KCNAB1: variants seen among roughly 807,000 people sequenced by gnomAD.
KCNAB1 encodes voltage-gated potassium channel subunit beta-1.
KCNAB1 carries 35 observed loss-of-function variants against 64.6 expected under a neutral mutation model. That is an observed-to-expected ratio of 0.54 (90% CI 0.41 to 0.72). The LOEUF (loss-of-function observed/expected upper bound fraction) is 0.72. KCNAB1 is among the 30% of genes least tolerant of loss of function. KCNAB1 has a pLI of 0.00. For synonymous variants in KCNAB1, 177 were observed against 183.8 expected (o/e 0.96, Z 0.30); for missense variants, 401 against 512.9 (o/e 0.78, Z 2.11).
chr3:156,373,158 A>G (rs929453191), intron 1 of KCNAB1, among the ~76,000 whole-genome samples: 1 of 152,242 alleles, frequency 6.6e-6, no homozygotes, highest in South Asian at 2.1e-4. Context: ...TAGGTCAAAC[A>G]CAAGATTTCA....
At chr3:156,374,149 T>C (rs987980418) in intron 1 of KCNAB1, among the ~76,000 whole-genome samples, 5 of 152,198 alleles carry the variant, frequency 3.3e-5, no homozygotes, top group East Asian at 1.9e-4. Context: ...CTCTACTCCA[T>C]AGGGAGTGAC....
chr3:156,473,098 G>A (rs1461974528), intron 7 of KCNAB1, among the ~76,000 whole-genome samples: 1 of 152,140 alleles, frequency 6.6e-6, no homozygotes, highest in South Asian at 2.1e-4. Flanking sequence ...CAAAACAGGG[G>A]GTCTAGTGAA....
At chr3:156,506,922 T>G (rs1438536138) in intron 8 of KCNAB1, among the ~76,000 whole-genome samples, 1 of 152,202 alleles carries the variant, frequency 6.6e-6, no homozygotes, top group Non-Finnish European at 1.5e-5. Flanking sequence ...CCCAAGTCAT[T>G]TATACTCATC....
At chr3:156,408,296 A>C (rs1241367014) in intron 1 of KCNAB1, among the ~76,000 whole-genome samples, 2 of 152,150 alleles carry the variant, frequency 1.3e-5, no homozygotes, top group Non-Finnish European at 2.9e-5. Flanking sequence ...GAAGGCAGCA[A>C]GGGGCAGAGG....
intron 1 of KCNAB1, among the ~76,000 whole-genome samples, chr3:156,283,295 C>T (rs1254349302): frequency 6.6e-6 from 1 of 151,362 alleles, no homozygotes; most frequent in Non-Finnish European, 1.5e-5. Context: ...ATATTGGCCC[C>T]CACTCTCTTC....
At chr3:156,185,721 A>G (rs1577685968) in intron 1 of KCNAB1, among the ~76,000 whole-genome samples, 1 of 152,098 alleles carries the variant, frequency 6.6e-6, no homozygotes, top group Non-Finnish European at 1.5e-5. Flanking sequence ...CCAACTTCCC[A>G]TCCTCGATGA....
chr3:156,529,781 T>C (rs1420808695), intron 12 of KCNAB1, among the ~76,000 whole-genome samples: 1 of 152,190 alleles, frequency 6.6e-6, no homozygotes, highest in Non-Finnish European at 1.5e-5. Context: ...GGTTTCCAGA[T>C]TGGGGAGCCA....
At chr3:156,466,101 A>G (rs1357218212) in intron 7 of KCNAB1, among the ~76,000 whole-genome samples, 1 of 152,066 alleles carries the variant, frequency 6.6e-6, no homozygotes, top group East Asian at 1.9e-4. Context: ...CCCCTAAAAT[A>G]AACTTTATAC....
chr3:156,161,235 A>T (rs1253906027), intron 1 of KCNAB1, among the ~76,000 whole-genome samples: 1 of 152,158 alleles, frequency 6.6e-6, no homozygotes, highest in East Asian at 1.9e-4. Context: ...CAGTGGGGGT[A>T]GGCCTGGCCC....
At chr3:156,178,784 G>C (rs1269667053) in intron 1 of KCNAB1, among the ~76,000 whole-genome samples, 1 of 151,896 alleles carries the variant, frequency 6.6e-6, no homozygotes, top group Non-Finnish European at 1.5e-5. Flanking sequence ...GGCGGATCAC[G>C]AGGTCAGGAG....
chr3:156,287,975 A>G (rs537967805), intron 1 of KCNAB1, among the ~76,000 whole-genome samples: 2 of 152,340 alleles, frequency 1.3e-5, no homozygotes, highest in African/African-American at 4.8e-5. Context: ...CTATATCTGT[A>G]TTAATTTGTT....
At chr3:156,334,034 C>T (rs527494041) in intron 1 of KCNAB1, among the ~76,000 whole-genome samples, 12 of 152,112 alleles carry the variant, frequency 7.9e-5, no homozygotes, top group South Asian at 2.1e-4. Context: ...CAAATGTATT[C>T]GGTTTTTGGG....
intron 6 of KCNAB1, among the ~76,000 whole-genome samples, chr3:156,464,528 A>G (rs1274195513): frequency 6.6e-6 from 1 of 151,754 alleles, no homozygotes; most frequent in Non-Finnish European, 1.5e-5. Flanking sequence ...TTTAACAAAA[A>G]GCAAAAACAA....
At chr3:156,466,052 C>T (rs984497653) in intron 7 of KCNAB1, among the ~76,000 whole-genome samples, 1 of 152,058 alleles carries the variant, frequency 6.6e-6, no homozygotes, top group African/African-American at 2.4e-5. Context: ...CGGAGTTGTA[C>T]ACCAAACACC....
chr3:156,258,415 A>C (rs534731680), intron 1 of KCNAB1, among the ~76,000 whole-genome samples: 7 of 152,336 alleles, frequency 4.6e-5, no homozygotes, highest in Admixed American at 1.3e-4. Flanking sequence ...ACTGTCATCT[A>C]GTCCTATGGG....
At chr3:156,134,141 A>C (rs1317138418) in intron 1 of KCNAB1, among the ~76,000 whole-genome samples, 1 of 152,136 alleles carries the variant, frequency 6.6e-6, no homozygotes, top group Non-Finnish European at 1.5e-5. Flanking sequence ...CAACTTGACA[A>C]CTCTCATTTA....
At chr3:156,207,544 C>T (rs1008555069) in intron 1 of KCNAB1, among the ~76,000 whole-genome samples, 2 of 152,142 alleles carry the variant, frequency 1.3e-5, no homozygotes, top group African/African-American at 4.8e-5. Flanking sequence ...GGTGGGAACC[C>T]AAGTGATACA....
intron 1 of KCNAB1, among the ~76,000 whole-genome samples, chr3:156,182,687 G>A (rs1420885246): frequency 1.4e-5 from 2 of 141,084 alleles, no homozygotes; most frequent in South Asian, 2.3e-4. Context: ...TCTTCCTAAA[G>A]TAAGACAATT....
intron 1 of KCNAB1, among the ~76,000 whole-genome samples, chr3:156,245,253 C>T (rs945198846): frequency 5.9e-5 from 9 of 152,096 alleles, no homozygotes; most frequent in Admixed American, 1.3e-4. Context: ...TTTTTATCGA[C>T]GTTATCCATT....
Sources: allele counts gnomAD v4.1 joint callset (sites outside exome capture counted in the v4.1 genomes callset), GRCh38; gene constraint gnomAD v4.1.1; transcripts MANE v1.5; gene names NCBI Gene and HGNC (gene_info 2026-07-23, HGNC 2026-07-21).